The following GALNTL6 variants were observed in gnomAD, a reference collection of about 807,000 sequenced individuals.
The protein encoded by GALNTL6 is polypeptide N-acetylgalactosaminyltransferase-like 6.
A neutral mutation model predicts 73.7 loss-of-function variants in GALNTL6; 46 were observed. That is an observed-to-expected ratio of 0.62 (90% CI 0.49 to 0.80). The LOEUF (loss-of-function observed/expected upper bound fraction) is 0.80, where lower values mean the gene tolerates loss of function less well. GALNTL6 is among the 30% of genes least tolerant of loss of function. The pLI is 0.00. For missense variants in GALNTL6, 604 were observed against 755.0 expected (o/e 0.80, Z 2.34); for synonymous variants, 259 against 263.7 (o/e 0.98, Z 0.17).
intron 2 of GALNTL6, among the ~76,000 whole-genome samples, chr4:171,961,495 A>T (rs1739217136): frequency 6.6e-6 from 1 of 152,170 alleles, no homozygotes; most frequent in Non-Finnish European, 1.5e-5. Flanking sequence ...AACACCAATT[A>T]AAAAAACCCT....
At chr4:172,717,358 G>C (rs563407441) in intron 5 of GALNTL6, among the ~76,000 whole-genome samples, 13 of 152,288 alleles carry the variant, frequency 8.5e-5, no homozygotes, top group African/African-American at 2.9e-4. Flanking sequence ...ACTCAAATTT[G>C]ATCTTTATTA....
intron 2 of GALNTL6, among the ~76,000 whole-genome samples, chr4:171,992,140 G>T (rs567254964): frequency 6.6e-6 from 1 of 152,098 alleles, no homozygotes; most frequent in South Asian, 2.1e-4. Context: ...GGAAAGCAGT[G>T]AATTGGCTGC....
At chr4:172,535,665 C>T (rs568768472) in intron 5 of GALNTL6, among the ~76,000 whole-genome samples, 1 of 152,186 alleles carries the variant, frequency 6.6e-6, no homozygotes, top group African/African-American at 2.4e-5. Flanking sequence ...CATCTCAGTA[C>T]ATTCATTTTT....
chr4:172,533,063 A>G (rs1475441322), intron 5 of GALNTL6, among the ~76,000 whole-genome samples: 4 of 150,664 alleles, frequency 2.7e-5, no homozygotes, highest in Non-Finnish European at 4.4e-5. Context: ...CCAGGCTTCA[A>G]TGCAGTGGTA....
intron 5 of GALNTL6, among the ~76,000 whole-genome samples, chr4:172,476,136 A>G (rs1733222371): frequency 6.6e-6 from 1 of 152,242 alleles, no homozygotes; most frequent in Non-Finnish European, 1.5e-5. Flanking sequence ...CTAAAACAAA[A>G]TATCATAAAC....
At chr4:172,899,368 T>C (rs1307581599) in intron 8 of GALNTL6, among the ~76,000 whole-genome samples, 5 of 152,188 alleles carry the variant, frequency 3.3e-5, no homozygotes, top group Non-Finnish European at 7.3e-5. Context: ...ATTAAATTAG[T>C]GCTTGTTTTC....
intron 5 of GALNTL6, among the ~76,000 whole-genome samples, chr4:172,722,573 G>A (rs1735544410): frequency 6.6e-6 from 1 of 152,014 alleles, no homozygotes; most frequent in African/African-American, 2.4e-5. Context: ...TAAAATGCAT[G>A]TGAATATACA....
intron 5 of GALNTL6, among the ~76,000 whole-genome samples, chr4:172,386,500 C>T (rs189244950): frequency 2.6e-5 from 4 of 151,788 alleles, no homozygotes; most frequent in East Asian, 1.9e-4. Context: ...AAAGTGAGAG[C>T]GAGAAAGAGA....
At chr4:172,966,534 A>G (rs2126394588) in intron 10 of GALNTL6, among the ~76,000 whole-genome samples, 1 of 152,264 alleles carries the variant, frequency 6.6e-6, no homozygotes, top group Middle Eastern at 3.4e-3. Context: ...AGCTGGGATT[A>G]CAGGCATGCG....
intron 2 of GALNTL6, among the ~76,000 whole-genome samples, chr4:172,033,998 A>G (rs1351901567): frequency 2.0e-5 from 3 of 152,162 alleles, no homozygotes; most frequent in Non-Finnish European, 1.5e-5. Flanking sequence ...TATCAGTTGA[A>G]CAATCAAAAA....
At chr4:172,513,841 G>C (rs1469807288) in intron 5 of GALNTL6, among the ~76,000 whole-genome samples, 1 of 152,182 alleles carries the variant, frequency 6.6e-6, no homozygotes, top group Non-Finnish European at 1.5e-5. Context: ...CTCTGTGTGG[G>C]ACCTTGACTT....
intron 2 of GALNTL6, among the ~76,000 whole-genome samples, chr4:172,189,180 T>C (rs28624994): frequency 0.49 from 74,368 of 152,004 alleles, 20,593 homozygotes; most frequent in African/African-American, 0.77. Context: ...TAACCTTTTA[T>C]GAATGCCTTA....
rs200524776 is a variant in GALNTL6, at chr4:173,009,147, C to T, written c.1372-31C>T. ...GCCAATGATAAAATACGACATAGCC[C>T]CACACTCAAAATTCTTTCTTCTTTC... On this transcript the variant is annotated intron_variant, in intron 10 of 12. Transcript: ENST00000506823. 1.4e-3 allele frequency: 1,998 copies of T among 1,422,732 alleles called. 6 individuals are homozygous for T. Among genetic ancestry groups the T allele is most frequent in the Non-Finnish European group, 1.7e-3 (1,752 of 1,005,240 alleles). The allele number at this position is 1,422,732 out of a possible 1,614,324, so 88.1% of individuals were successfully genotyped here. A position where few individuals can be genotyped will look rare whatever the true frequency, so the allele number is the denominator to read the frequency against.
intron 7 of GALNTL6, among the ~76,000 whole-genome samples, chr4:172,860,238 C>T (rs543107863): frequency 6.6e-6 from 1 of 152,270 alleles, no homozygotes; most frequent in East Asian, 1.9e-4. Context: ...AGGACACAGA[C>T]TACTTCTGAC....
chr4:172,778,446 A>G (rs1018797329), intron 5 of GALNTL6, among the ~76,000 whole-genome samples: 2 of 152,252 alleles, frequency 1.3e-5, no homozygotes, highest in African/African-American at 4.8e-5. Flanking sequence ...TTCATGATAC[A>G]TAACAGCTAA....
intron 2 of GALNTL6, among the ~76,000 whole-genome samples, chr4:171,905,073 G>T (rs1209029070): frequency 2.0e-5 from 3 of 152,124 alleles, no homozygotes; most frequent in Non-Finnish European, 4.4e-5. Flanking sequence ...AGACTAGGAA[G>T]AAACTGCATC....
chr4:172,316,979 C>T (rs544887257), intron 4 of GALNTL6, among the ~76,000 whole-genome samples: 6 of 152,222 alleles, frequency 3.9e-5, no homozygotes, highest in South Asian at 4.2e-4. Context: ...CCCAAACCCA[C>T]GAATCTCTTT....
chr4:172,958,468 C>A (rs1749866920), intron 10 of GALNTL6, among the ~76,000 whole-genome samples: 1 of 152,094 alleles, frequency 6.6e-6, no homozygotes, highest in Non-Finnish European at 1.5e-5. Flanking sequence ...GATTTAGGAT[C>A]TGTGGGGTCA....
At chr4:172,215,079 C>A (rs185955686) in intron 2 of GALNTL6, among the ~76,000 whole-genome samples, 2,183 of 150,722 alleles carry the variant, frequency 0.014, 56 homozygotes, top group African/African-American at 0.05. Flanking sequence ...TTACCTCAGT[C>A]TTTCCCTGAT....
Sources: allele counts gnomAD v4.1 joint callset (sites outside exome capture counted in the v4.1 genomes callset), GRCh38; gene constraint gnomAD v4.1.1; transcripts MANE v1.5; gene names NCBI Gene and HGNC (gene_info 2026-07-23, HGNC 2026-07-21).